The following MYO9B variants were observed in gnomAD, a reference collection of about 807,000 sequenced individuals.
The protein encoded by MYO9B is myosin IXB.
MYO9B carries 71 observed loss-of-function variants against 229.5 expected under a neutral mutation model. That is an observed-to-expected ratio of 0.31 (90% CI 0.26 to 0.38). The LOEUF (loss-of-function observed/expected upper bound fraction) is 0.38. MYO9B is among the 10% of genes least tolerant of loss of function. The pLI, the probability that MYO9B is intolerant of heterozygous loss-of-function variation, is 1.00. For synonymous variants in MYO9B, 1,185 were observed against 1,235.8 expected, an observed-to-expected ratio of 0.96 and a Z score of 0.86; for missense variants, 2,255 against 2,920.5, an observed-to-expected ratio of 0.77 and a Z score of 5.25.
chr19:17,210,976 A>AATT, intron 38 of MYO9B, 128 bp downstream of exon 38: 45 of 565,522 alleles, frequency 8.0e-5, no homozygotes, highest in Non-Finnish European at 9.8e-5. Flanking sequence ...GGCAAACAAC[A>AATT]CTTTTTTTTT....
intron 14 of MYO9B, 162 bp from the exon 15 acceptor site, chr19:17,180,763 AAG>A: frequency 1.8e-6 from 1 of 555,458 alleles, no homozygotes; most frequent in Non-Finnish European, 3.2e-6. Flanking sequence ...TTTCTGGCAA[AAG>A]AGAGAGGGGC....
intron 2 of MYO9B, among the ~76,000 whole-genome samples, chr19:17,129,153 CT>C (rs2072163010): frequency 6.6e-6 from 1 of 152,076 alleles, no homozygotes; most frequent in African/African-American, 2.4e-5. Context: ...GATCCCAGCA[CT>C]TTTGGGAGGC....
intron 1 of MYO9B, among the ~76,000 whole-genome samples, chr19:17,094,709 A>G (rs750203127): frequency 3.3e-5 from 5 of 152,186 alleles, no homozygotes; most frequent in African/African-American, 7.2e-5. Flanking sequence ...TGGGAGGCTG[A>G]TACAGGCAGA....
At chr19:17,206,500 C>T (rs1221533682) in intron 33 of MYO9B, 124 bp downstream of exon 33, 16 of 1,434,280 alleles carry the variant, frequency 1.1e-5, no homozygotes, top group South Asian at 8.2e-5. Context: ...CCAAAGCAGT[C>T]GGCCCAGCCA....
chr19:17,089,874 C>A (rs977942999), intron 1 of MYO9B, among the ~76,000 whole-genome samples: 1 of 152,054 alleles, frequency 6.6e-6, no homozygotes, highest in African/African-American at 2.4e-5. Flanking sequence ...CTATCTGATT[C>A]CAGAACACTT....
chr19:17,202,692 G>T (rs1215956139), intron 28 of MYO9B, 150 bp from the exon 29 acceptor site: 4 of 775,374 alleles, frequency 5.2e-6, no homozygotes. Flanking sequence ...TGGGTCTGGG[G>T]TGTCTGAATG....
At chr19:17,162,500 CA>C in intron 9 of MYO9B, 34 bp downstream of exon 9, 1 of 1,514,550 alleles carries the variant, frequency 6.6e-7, no homozygotes, top group Non-Finnish European at 8.9e-7. Context: ...CAAGCCCGGC[CA>C]GGGGAGGCCA....
rs768923049 is a variant in MYO9B at position 17,202,126 on chromosome 19, A to C, written c.4663-4A>C. On this transcript the variant is annotated splice_region_variant and splice_polypyrimidine_tract_variant and intron_variant, in intron 27 of 39. Transcript: ENST00000682292. ...CTGCAGGGTGACGCCTAGCATTCCT[A>C]CAGAACGGGAAGATCCACGTGGGCT... is the stretch of plus-strand genomic sequence containing the variant. 1.2e-6 allele frequency: 2 copies of C among 1,613,294 alleles called. No individual in the cohort carries two copies. The highest frequency in any genetic ancestry group is 2.2e-5 in the South Asian group (2 of 91,056).
chr19:17,109,021 CTTTT>C lies in MYO9B; in HGVS notation c.840+6469_840+6472del, dbSNP rs1233518243. On this transcript the variant is annotated intron_variant, in intron 2 of 39. Transcript: ENST00000682292. ...AGCCACCATGCCTGGCCCCAAGAAT[CTTTT>C]TTTTAATTTTATTTATTTATTTATT... Among the ~76,000 whole-genome samples, 330 of 148,314 alleles carry C rather than the reference CTTTT, an allele frequency of 2.2e-3. 1 individual carries two copies. Among genetic ancestry groups the C allele is most frequent in the African/African-American group, 7.9e-3 (322 of 40,534 alleles).
intron 21 of MYO9B, 96 bp from the exon 22 acceptor site, chr19:17,194,460 T>G (rs1236950244): frequency 4.3e-6 from 6 of 1,393,406 alleles, no homozygotes; most frequent in Non-Finnish European, 5.9e-6. Flanking sequence ...CGAAGCCCCG[T>G]CTGCAGCCCG....
intron 4 of MYO9B, among the ~76,000 whole-genome samples, chr19:17,153,695 CA>C (rs60449061): frequency 2.5e-3 from 306 of 120,556 alleles, no homozygotes; most frequent in Middle Eastern, 4.8e-3. Flanking sequence ...GACCGTATCT[CA>C]AAAAAAAAAA....
At chr19:17,108,102 C>T (rs565731491) in intron 2 of MYO9B, among the ~76,000 whole-genome samples, 4 of 152,216 alleles carry the variant, frequency 2.6e-5, no homozygotes, top group South Asian at 2.1e-4. Flanking sequence ...CCAGCCTCCA[C>T]GCCTGCACAG....
In MYO9B at chr19:17,206,147, A is replaced by G. The variant is rs750099091; in HGVS notation, c.5252A>G (p.Gln1751Arg). Reference sequence around the variant, plus strand: ...ACTCGGGAGCTCCGGCAGGCGCTGCAGACAGGTGGGCGCTGTGGGCAGGTG... The same window carrying G: ...ACTCGGGAGCTCCGGCAGGCGCTGCGGACAGGTGGGCGCTGTGGGCAGGTG... ...NRTRELRQALQTDPAAVKLEN... is the reference protein window; with the variant it reads ...NRTRELRQALRTDPAAVKLEN... The change falls in exon 32 of 40, where the codon CAG becomes CGG. Residue 1751 changes from glutamine (Q) to arginine (R), a missense_variant. This residue lies in a region of MYO9B where 416 missense variants were observed against 605.5 expected (regional missense o/e 0.69). Coordinates refer to ENST00000682292, the MANE Select transcript of MYO9B (RefSeq NM_004145.4). 2 of 1,607,446 alleles carry G rather than the reference A, an allele frequency of 1.2e-6. No individual in the cohort carries two copies. The highest frequency in any genetic ancestry group is 1.7e-5 in the Admixed American group (1 of 59,768).
At position 17,193,705 on chromosome 19, in the gene MYO9B, C is replaced by G. The variant is rs1387011074; in HGVS notation, c.3128+643C>G. Among the ~76,000 whole-genome samples the G allele has an allele frequency of 6.6e-6, 1 of 152,152 alleles. No individual in the cohort carries two copies. Among genetic ancestry groups the G allele is most frequent in the Non-Finnish European group, 1.5e-5 (1 of 68,038 alleles). Reference sequence around the variant, plus strand: ...CCAGCCTGGCCAATATAGCAAGATGCCATCTCTACACAAAATTAAAGACTT... The same window carrying G: ...CCAGCCTGGCCAATATAGCAAGATGGCATCTCTACACAAAATTAAAGACTT... On this transcript the variant is annotated intron_variant, in intron 21 of 39. Transcript: ENST00000682292. The surrounding 1 kb of genome is among the most constrained non-coding windows in gnomAD (Gnocchi z 4.3).
chr19:17,168,378 C>T (rs1419341061), intron 11 of MYO9B, among the ~76,000 whole-genome samples: 1 of 152,128 alleles, frequency 6.6e-6, no homozygotes, highest in African/African-American at 2.4e-5. Context: ...GTTTTCCAGG[C>T]TGGTCTTGAA....
intron 1 of MYO9B, among the ~76,000 whole-genome samples, chr19:17,090,346 T>C (rs1257340124): frequency 3.9e-5 from 6 of 152,054 alleles, no homozygotes; most frequent in Non-Finnish European, 8.8e-5. Context: ...AGACGAGGTT[T>C]CGCCATGTTC....
At chr19:17,170,044 C>T (rs1263076789) in intron 11 of MYO9B, among the ~76,000 whole-genome samples, 1 of 151,558 alleles carries the variant, frequency 6.6e-6, no homozygotes, top group Non-Finnish European at 1.5e-5. Flanking sequence ...GGTTTTTTCA[C>T]CATGTTGGCC....
intron 1 of MYO9B, among the ~76,000 whole-genome samples, chr19:17,079,040 C>A (rs2057511309): frequency 6.6e-6 from 1 of 152,208 alleles, no homozygotes; most frequent in Non-Finnish European, 1.5e-5. Context: ...GGCTGTCACC[C>A]ATGAGATGCC....
intron 2 of MYO9B, among the ~76,000 whole-genome samples, chr19:17,143,347 A>C (rs2072365931): frequency 6.6e-6 from 1 of 152,134 alleles, no homozygotes; most frequent in Non-Finnish European, 1.5e-5. Flanking sequence ...TTCAGGTCTT[A>C]TCTGGGCTTC....
Sources: allele counts gnomAD v4.1 joint callset (sites outside exome capture counted in the v4.1 genomes callset), GRCh38; gene constraint gnomAD v4.1.1; regional missense constraint gnomAD v4.1.1; non-coding constraint Gnocchi (gnomAD v3.1); transcripts MANE v1.5; gene names NCBI Gene and HGNC (gene_info 2026-07-23, HGNC 2026-07-21).